SLC25A13: variants seen among roughly 807,000 people sequenced by gnomAD.
The protein encoded by SLC25A13 is solute carrier family 25 member 13, also known as electrogenic aspartate/glutamate antiporter SLC25A13, mitochondrial.
SLC25A13 carries 70 observed loss-of-function variants against 85.5 expected under a neutral mutation model. The observed-to-expected ratio is 0.82, with a 90% CI of 0.68 to 1.00. The LOEUF (loss-of-function observed/expected upper bound fraction) is 1.00, where lower values mean the gene tolerates loss of function less well. SLC25A13 is among the 50% of genes least tolerant of loss of function. SLC25A13 has a pLI of 0.00. For synonymous variants in SLC25A13, 259 were observed against 288.7 expected, an observed-to-expected ratio of 0.90 and a Z score of 1.04; for missense variants, 765 against 819.8, an observed-to-expected ratio of 0.93 and a Z score of 0.82.
chr7:96,122,031 T>A, intron 15 of SLC25A13, 34 bp from the exon 16 acceptor site: 4 of 1,613,214 alleles, frequency 2.5e-6, no homozygotes, highest in Non-Finnish European at 3.4e-6. Flanking sequence ...CTCAGTCTGG[T>A]CACATTCTCA....
intron 4 of SLC25A13, 141 bp from the exon 5 acceptor site, chr7:96,209,118 CAGAAATAAA>C (rs1317535546): frequency 1.2e-6 from 1 of 838,406 alleles, no homozygotes; most frequent in Non-Finnish European, 1.8e-6. Flanking sequence ...CAAACTATGG[CAGAAATAAA>C]AGAACCCTCA....
At chr7:96,293,236 T>C (rs1283301240) in intron 2 of SLC25A13, among the ~76,000 whole-genome samples, 10 of 152,214 alleles carry the variant, frequency 6.6e-5, no homozygotes, top group East Asian at 1.9e-4. Context: ...ATGTAGAAAG[T>C]TGAAACTGGA....
At chr7:96,285,964 T>C (rs1380802837) in intron 2 of SLC25A13, among the ~76,000 whole-genome samples, 2 of 152,120 alleles carry the variant, frequency 1.3e-5, no homozygotes, top group African/African-American at 4.8e-5. Flanking sequence ...ACCTGACACT[T>C]GCCACAAGAA....
chr7:96,298,058 T>C (rs961509647), intron 1 of SLC25A13, among the ~76,000 whole-genome samples: 7 of 152,150 alleles, frequency 4.6e-5, no homozygotes, highest in Non-Finnish European at 8.8e-5. Flanking sequence ...GCAAAAAACA[T>C]CATGAGACTG....
At chr7:96,155,156 T>C (rs1400584592) in intron 13 of SLC25A13, among the ~76,000 whole-genome samples, 2 of 152,086 alleles carry the variant, frequency 1.3e-5, no homozygotes, top group Non-Finnish European at 2.9e-5. Context: ...TTATTGAGAG[T>C]ACATAGTTAA....
chr7:96,204,579 T>A (rs1282667327), intron 5 of SLC25A13, among the ~76,000 whole-genome samples: 5 of 152,054 alleles, frequency 3.3e-5, no homozygotes, highest in East Asian at 3.9e-4. Context: ...GAAAAAAAAA[T>A]TTGGCAAAGG....
intron 3 of SLC25A13, among the ~76,000 whole-genome samples, chr7:96,239,733 G>A (rs1796895478): frequency 6.6e-6 from 1 of 152,018 alleles, no homozygotes. Context: ...GGGGAGGGTA[G>A]GTTTCTAACT....
In SLC25A13 at chr7:96,322,027, C is replaced by T; in HGVS notation, c.-71G>A. 1 of 1,524,830 alleles carries T rather than the reference C, an allele frequency of 6.6e-7. No individual in the cohort carries two copies. The highest frequency in any genetic ancestry group is 8.8e-7 in the Non-Finnish European group (1 of 1,135,396). 94.5% of individuals were successfully genotyped at this position (1,524,830 alleles called of 1,614,324 possible). On this transcript the variant is annotated 5_prime_UTR_variant, in exon 1 of 18. Transcript: ENST00000265631. ...GCTGGCGTTTGGGACCCGGGCGGCT[C>T]ACTTCTAGTCCCGGCGGCGGCGGCG...
intron 5 of SLC25A13, among the ~76,000 whole-genome samples, chr7:96,202,101 T>C (rs1229713874): frequency 6.6e-6 from 1 of 152,170 alleles, no homozygotes; most frequent in Non-Finnish European, 1.5e-5. Flanking sequence ...GCCAAAATAA[T>C]GGTCAATCTG....
intron 1 of SLC25A13, among the ~76,000 whole-genome samples, chr7:96,312,146 T>C (rs1009517534): frequency 5.3e-5 from 8 of 152,250 alleles, no homozygotes; most frequent in Non-Finnish European, 1.0e-4. Flanking sequence ...ACTGGTTATG[T>C]GCTTGGGCTC....
intron 3 of SLC25A13, among the ~76,000 whole-genome samples, chr7:96,254,203 G>A (rs1797539404): frequency 6.6e-6 from 1 of 152,204 alleles, no homozygotes; most frequent in South Asian, 2.1e-4. Flanking sequence ...TAGGCAGTCT[G>A]GGTAAAGCAG....
intron 11 of SLC25A13, among the ~76,000 whole-genome samples, chr7:96,177,742 C>T (rs1019842714): frequency 6.6e-6 from 1 of 152,156 alleles, no homozygotes; most frequent in African/African-American, 2.4e-5. Flanking sequence ...CTTCCTCCTC[C>T]TCCTTCATGG....
rs1444591540 is a variant in SLC25A13, at chr7:96,234,795, T to C, written c.328+7A>G. Reference sequence around the variant, plus strand: ...TACACAGACGTGCACAGAAGCATGCTTCTTACCAAAAGTTACTTCTCCTTT... The same window carrying C: ...TACACAGACGTGCACAGAAGCATGCCTCTTACCAAAAGTTACTTCTCCTTT... On this transcript the variant is annotated splice_region_variant and intron_variant, in intron 4 of 17. Coordinates refer to ENST00000265631, the MANE Select transcript of SLC25A13 (RefSeq NM_014251.3). 1.2e-6 allele frequency: 2 copies of C among 1,606,702 alleles called. No homozygotes were observed. Among genetic ancestry groups the C allele is most frequent in the Non-Finnish European group, 8.5e-7 (1 of 1,174,988 alleles).
intron 13 of SLC25A13, among the ~76,000 whole-genome samples, chr7:96,160,232 A>G (rs544868531): frequency 1.6e-4 from 24 of 152,340 alleles, no homozygotes; most frequent in African/African-American, 5.8e-4. Flanking sequence ...GTGTTGAGTC[A>G]AACAACTCTG....
Position 96,134,793 on chromosome 7 carries a change from T to TTATATATATATATATATA in SLC25A13, c.1453-2930_1453-2913dup, listed in dbSNP as rs10522412. ...TTAAAAACCAAACATACAAACAATTTTATATATATATATATATATAACCCT... is the reference window on the plus strand; with the variant it reads ...TTAAAAACCAAACATACAAACAATTTTATATATATATATATATATATATATATATATATATATAACCCT... On this transcript the variant is annotated intron_variant, in intron 14 of 17. Transcript: ENST00000265631. 8.8e-3 allele frequency among the ~76,000 whole-genome samples: 899 copies of TTATATATATATATATATA among 102,138 alleles called. 36 individuals are homozygous for TTATATATATATATATATA. The highest frequency in any genetic ancestry group is 0.013 in the African/African-American group (313 of 24,440). The allele number at this position is 102,138 out of a possible 152,430, so 67.0% of individuals were successfully genotyped here. A position where few individuals can be genotyped will look rare whatever the true frequency, so the allele number is the denominator to read the frequency against.
intron 3 of SLC25A13, among the ~76,000 whole-genome samples, chr7:96,266,993 A>G (rs1185204522): frequency 6.6e-6 from 1 of 152,216 alleles, no homozygotes; most frequent in African/African-American, 2.4e-5. Flanking sequence ...CTTTCGCCAA[A>G]TTCTATAGTT....
At chr7:96,290,166 A>C (rs1799059121) in intron 2 of SLC25A13, among the ~76,000 whole-genome samples, 1 of 152,214 alleles carries the variant, frequency 6.6e-6, no homozygotes, top group Non-Finnish European at 1.5e-5. Context: ...TTTCATATCC[A>C]GCCAAACTAA....
intron 14 of SLC25A13, among the ~76,000 whole-genome samples, chr7:96,137,345 G>A (rs1792330429): frequency 6.6e-6 from 1 of 152,132 alleles, no homozygotes; most frequent in Admixed American, 6.5e-5. Context: ...CTATTACTTG[G>A]CTTCTTTAAT....
chr7:96,251,244 A>G (rs928152590), intron 3 of SLC25A13, among the ~76,000 whole-genome samples: 1 of 152,168 alleles, frequency 6.6e-6, no homozygotes, highest in East Asian at 1.9e-4. Context: ...TCACCAGAAC[A>G]AAGTAATTAA....
Sources: allele counts gnomAD v4.1 joint callset (sites outside exome capture counted in the v4.1 genomes callset), GRCh38; gene constraint gnomAD v4.1.1; transcripts MANE v1.5; gene names NCBI Gene and HGNC (gene_info 2026-07-23, HGNC 2026-07-21).